The following PRSS23 variants were observed in gnomAD, a reference collection of about 807,000 sequenced individuals.
PRSS23 encodes the protein protease, serine 23.
In PRSS23, 25 loss-of-function variants were observed where a neutral mutation model predicts 34.7. The observed-to-expected ratio is 0.72, with a 90% CI of 0.53 to 1.01. PRSS23 has a LOEUF of 1.01. Among genes scored for constraint, PRSS23 ranks in the 50% least tolerant of loss-of-function variants. The probability of loss-of-function intolerance (pLI) is 0.00; values close to 1 mark genes in which losing one functional copy is unlikely to be tolerated. For synonymous variants in PRSS23, 176 were observed against 186.6 expected, an observed-to-expected ratio of 0.94 and a Z score of 0.46; for missense variants, 445 against 475.6, an observed-to-expected ratio of 0.94 and a Z score of 0.60.
chr11:86,939,423 T>TTTTTTTTTTTAAAAA (rs1565392807), intron 2 of PRSS23, among the ~76,000 whole-genome samples: 2 of 100,430 alleles, frequency 2.0e-5, no homozygotes, highest in Non-Finnish European at 4.5e-5. Flanking sequence ...TATATATATA[T>TTTTTTTTTTTAAAAA]ATATTTTTTA....
chr11:86,805,126 A>G (rs995624475), intron 1 of PRSS23, among the ~76,000 whole-genome samples: 1 of 152,156 alleles, frequency 6.6e-6, no homozygotes, highest in Non-Finnish European at 1.5e-5. Context: ...GCCATGTGGG[A>G]GATATATGAC....
chr11:86,846,267 A>C (rs887280096), intron 2 of PRSS23, among the ~76,000 whole-genome samples: 7 of 152,168 alleles, frequency 4.6e-5, no homozygotes, highest in African/African-American at 1.7e-4. Flanking sequence ...ACTCCAGGAA[A>C]GGCATCTAGA....
chr11:86,827,322 G>T (rs1161092616), intron 2 of PRSS23, among the ~76,000 whole-genome samples: 3 of 152,208 alleles, frequency 2.0e-5, no homozygotes, highest in Middle Eastern at 3.2e-3. Context: ...TTGTATTTCT[G>T]TGGGATCTGT....
exon 3 of PRSS23, chr11:86,951,476 G>A (rs1212432211): frequency 6.2e-7 from 1 of 1,613,970 alleles, no homozygotes; most frequent in African/African-American, 1.3e-5. Flanking sequence ...TAACTTGTCT[G>A]TCTTTGTCCC....
intron 2 of PRSS23, among the ~76,000 whole-genome samples, chr11:86,875,271 T>G (rs1183199986): frequency 1.3e-5 from 2 of 152,158 alleles, no homozygotes; most frequent in African/African-American, 4.8e-5. Context: ...CTCAGGAGGC[T>G]GAGGCAGGAG....
chr11:86,867,483 G>C (rs1283240399), intron 2 of PRSS23, among the ~76,000 whole-genome samples: 2 of 152,294 alleles, frequency 1.3e-5, no homozygotes, highest in South Asian at 4.1e-4. Flanking sequence ...CTGAGGAAGG[G>C]ATCAATAAAT....
intron 2 of PRSS23, among the ~76,000 whole-genome samples, chr11:86,853,737 G>T (rs10898540): frequency 0.36 from 54,570 of 151,920 alleles, 9,943 homozygotes; most frequent in East Asian, 0.46. Context: ...TTCTTTTTGG[G>T]AGGTACCCAC....
rs1015221073 is a variant in PRSS23 at position 86,810,613 on chromosome 11, G to T, written c.*1818G>T. The T allele has an allele frequency of 6.0e-6, 1 of 167,078 alleles. No individual in the cohort carries two copies. Among genetic ancestry groups the T allele is most frequent in the East Asian group, 1.9e-4 (1 of 5,194 alleles). The allele number at this position is 167,078 out of a possible 1,614,324, so 10.3% of individuals were successfully genotyped here. On this transcript the variant is annotated 3_prime_UTR_variant, in exon 2 of 2. Transcript: ENST00000280258. ...TTTTGCTTTAGCTTGGTGAAAAAAA[G>T]TTCACTGAACACCAAGACCAGAATG...
At chr11:86,858,640 G>A (rs1948590221) in intron 2 of PRSS23, among the ~76,000 whole-genome samples, 1 of 151,038 alleles carries the variant, frequency 6.6e-6, no homozygotes, top group Non-Finnish European at 1.5e-5. Context: ...TATTGCAGGG[G>A]GTGTACACAC....
At chr11:86,920,596 G>A (rs867029943) in intron 2 of PRSS23, among the ~76,000 whole-genome samples, 1 of 152,100 alleles carries the variant, frequency 6.6e-6, no homozygotes, top group Admixed American at 6.5e-5. Context: ...AATGGAGTTT[G>A]CCAGAGGAGA....
intron 2 of PRSS23, among the ~76,000 whole-genome samples, chr11:86,898,842 A>G (rs1294222603): frequency 6.6e-6 from 1 of 152,238 alleles, no homozygotes; most frequent in African/African-American, 2.4e-5. Context: ...CTGGGTGCCC[A>G]GAAGCACTTA....
chr11:86,939,603 C>T (rs924371015), intron 2 of PRSS23, among the ~76,000 whole-genome samples: 1 of 150,846 alleles, frequency 6.6e-6, no homozygotes, highest in Admixed American at 6.6e-5. Flanking sequence ...TGCGTTTACA[C>T]TATTTATTTA....
At chr11:86,823,588 G>T in exon 2 of PRSS23, 1 of 702,568 alleles carries the variant, frequency 1.4e-6, no homozygotes, top group Non-Finnish European at 2.6e-6. Context: ...CAGAAGAGTC[G>T]AGGAGGTAAG....
chr11:86,878,604 G>C (rs950022916), intron 2 of PRSS23, among the ~76,000 whole-genome samples: 7 of 152,018 alleles, frequency 4.6e-5, no homozygotes, highest in Non-Finnish European at 7.4e-5. Flanking sequence ...GCGTGATCTC[G>C]GCTCGCTACA....
chr11:86,879,970 C>A (rs1189066424), intron 2 of PRSS23, among the ~76,000 whole-genome samples: 2 of 152,082 alleles, frequency 1.3e-5, no homozygotes, highest in African/African-American at 4.8e-5. Context: ...TGAGAACGGG[C>A]CATGATGACA....
chr11:86,795,815 A>G (rs1445738116), upstream of PRSS23, among the ~76,000 whole-genome samples: 1 of 152,262 alleles, frequency 6.6e-6, no homozygotes, highest in East Asian at 1.9e-4. Context: ...ATATGAAACC[A>G]TATGGAAATG....
chr11:86,888,109 GT>G (rs1347691976), intron 2 of PRSS23, among the ~76,000 whole-genome samples: 2,531 of 119,816 alleles, frequency 0.021, 47 homozygotes, highest in African/African-American at 0.054. Flanking sequence ...CATCAAGTTG[GT>G]TTTTTTTAAA....
Position 86,895,477 on chromosome 11 carries a change from C to CTTTTTTTTTTTTT in PRSS23, c.207-55729_207-55717dup, listed in dbSNP as rs71040269. Among the ~76,000 whole-genome samples the CTTTTTTTTTTTTT allele has an allele frequency of 1.7e-4, 15 of 86,634 alleles. 1 individual carries two copies. The highest frequency in any genetic ancestry group is 2.1e-4 in the Non-Finnish European group (10 of 48,544). 56.8% of individuals were successfully genotyped at this position (86,634 alleles called of 152,430 possible). On this transcript the variant is annotated intron_variant, in intron 2 of 2. Coordinates refer to the PRSS23 transcript ENST00000533902. Reference sequence around the variant, plus strand: ...TACTGTATTTATCCTTTATTTTATCCTTTTTTTTTTTTTTTTTTTTTTGAG... The same window carrying CTTTTTTTTTTTTT: ...TACTGTATTTATCCTTTATTTTATCCTTTTTTTTTTTTTTTTTTTTTTTTTTTTTTTTTTTGAG...
At chr11:86,895,710 G>A (rs1948870449) in intron 2 of PRSS23, among the ~76,000 whole-genome samples, 1 of 151,992 alleles carries the variant, frequency 6.6e-6, no homozygotes, top group Admixed American at 6.6e-5. Flanking sequence ...GAACTCCTGG[G>A]CTCAAGTGAT....
Sources: gnomAD v4.1 joint callset for allele counts (sites outside exome capture counted in the v4.1 genomes callset) on GRCh38, gnomAD v4.1.1 for gene constraint, MANE v1.5 for transcripts, NCBI Gene and HGNC (gene_info 2026-07-23, HGNC 2026-07-21) for gene names.